Variants in MNS1 observed in about 807,000 individuals in gnomAD.
The protein encoded by MNS1 is meiosis-specific nuclear structural protein 1.
MNS1 carries 63 observed loss-of-function variants against 72.0 expected under a neutral mutation model. The observed-to-expected ratio is 0.87, with a 90% confidence interval of 0.71 to 1.08. The LOEUF (loss-of-function observed/expected upper bound fraction) is 1.08, where lower values mean the gene tolerates loss of function less well. MNS1 is among the 50% of genes least tolerant of loss of function. The pLI is 0.00. For synonymous variants in MNS1, 188 were observed against 172.1 expected (o/e 1.09, Z -0.72); for missense variants, 604 against 562.4 (o/e 1.07, Z -0.75).
intron 3 of MNS1, among the ~76,000 whole-genome samples, chr15:56,447,962 G>A (rs12050881): frequency 0.093 from 14,136 of 152,114 alleles, 1,331 homozygotes; most frequent in East Asian, 0.36. Flanking sequence ...TCCATTTATT[G>A]CATATAGTAA....
chr15:56,434,083 T>G, intron 8 of MNS1, 55 bp downstream of exon 8: 3 of 1,538,830 alleles, frequency 1.9e-6, no homozygotes, highest in African/African-American at 1.4e-5. Flanking sequence ...GGATGATAGA[T>G]GAGCTATTGC....
intron 3 of MNS1, among the ~76,000 whole-genome samples, chr15:56,449,481 TA>T (rs1267821919): frequency 6.6e-6 from 1 of 152,200 alleles, no homozygotes; most frequent in Non-Finnish European, 1.5e-5. Flanking sequence ...ATCTTTCTTA[TA>T]CAGCACTGGA....
intron 3 of MNS1, 70 bp downstream of exon 3, chr15:56,456,324 A>T: frequency 1.4e-6 from 2 of 1,394,562 alleles, no homozygotes; most frequent in Non-Finnish European, 1.9e-6. Flanking sequence ...TTTCACTTTC[A>T]GGTGCTAAGG....
intron 8 of MNS1, 127 bp downstream of exon 8, chr15:56,434,007 TTATA>T (rs137878743): frequency 0.094 from 92,209 of 984,854 alleles, 5,038 homozygotes; most frequent in Non-Finnish European, 0.11. Flanking sequence ...GTCAGAAAAT[TTATA>T]TATATATTAG....
chr15:56,462,482 G>A (rs541808393), intron 2 of MNS1, among the ~76,000 whole-genome samples: 106 of 152,248 alleles, frequency 7.0e-4, no homozygotes, highest in Non-Finnish European at 1.1e-3. Context: ...TGTCTTTATG[G>A]CTAGGTTCTA....
At chr15:56,462,311 C>G (rs140663344) in intron 2 of MNS1, among the ~76,000 whole-genome samples, 1 of 152,162 alleles carries the variant, frequency 6.6e-6, no homozygotes, top group African/African-American at 2.4e-5. Flanking sequence ...GGAACCTTTA[C>G]AGTGGAGAAA....
At chr15:56,434,781 A>AT (rs2050691630) in intron 7 of MNS1, among the ~76,000 whole-genome samples, 1 of 152,054 alleles carries the variant, frequency 6.6e-6, no homozygotes, top group African/African-American at 2.4e-5. Context: ...CAAACCACCC[A>AT]TAAGTATTTT....
chr15:56,431,420 T>G lies in MNS1; in HGVS notation c.1348A>C (p.Lys450Gln), dbSNP rs528031232. Residue 450 changes from lysine (K) to glutamine (Q), a missense_variant, in exon 9 of 10, where the codon AAA (lysine) becomes CAA (glutamine). Transcript: ENST00000260453. ...INAIIEEERL[K>Q]LLKEHATNLL... Reference sequence around the variant, plus strand: ...TTTGTAGCATGCTCTTTAAGAAGTTTTAGCCTTTCTTCTTCAATAATTGCA... The same window carrying G: ...TTTGTAGCATGCTCTTTAAGAAGTTGTAGCCTTTCTTCTTCAATAATTGCA... 31 of 1,613,656 alleles carry G rather than the reference T, an allele frequency of 1.9e-5. No individual in the cohort carries two copies. In the South Asian group the frequency reaches 3.3e-4, roughly 17 times the overall value.
At chr15:56,432,234 C>G (rs1284218511) in intron 8 of MNS1, among the ~76,000 whole-genome samples, 4 of 152,106 alleles carry the variant, frequency 2.6e-5, no homozygotes, top group African/African-American at 9.7e-5. Flanking sequence ...ATCTGGCAGG[C>G]CACATTCAAT....
rs2050680538 is a variant in MNS1 at position 56,434,302 on chromosome 15, T to C, written c.1105A>G (p.Lys369Glu). 1 of 1,613,824 alleles carries C rather than the reference T, an allele frequency of 6.2e-7. No individual in the cohort carries two copies. Among genetic ancestry groups the C allele is most frequent in the South Asian group, 1.1e-5 (1 of 91,078 alleles). Reference protein sequence around the residue: ...ALKELVLQAAKEEEENFRKTM... With the variant: ...ALKELVLQAAEEEEENFRKTM... ...TTTCTAAAGTTCTCCTCTTCCTCTTTTGCAGCCTGTAGCACTAATTCCTTC... is the reference window on the plus strand; with the variant it reads ...TTTCTAAAGTTCTCCTCTTCCTCTTCTGCAGCCTGTAGCACTAATTCCTTC... The change falls in exon 8 of 10, where the codon AAA becomes GAA. Residue 369 changes from lysine to glutamate, a missense_variant. By Grantham distance (56) the Lys-to-Glu change is moderately conservative. Coordinates refer to ENST00000260453, the MANE Select transcript of MNS1 (RefSeq NM_018365.4).
At chr15:56,459,685 G>A (rs1327110550) in intron 2 of MNS1, among the ~76,000 whole-genome samples, 1 of 151,900 alleles carries the variant, frequency 6.6e-6, no homozygotes, top group East Asian at 1.9e-4. Context: ...ACAAAGATTG[G>A]AGAAGAAACA....
chr15:56,464,198 A>G lies in MNS1; in HGVS notation c.53T>C (p.Val18Ala), dbSNP rs760135227. The G allele has an allele frequency of 1.2e-6, 2 of 1,613,884 alleles. No individual in the cohort carries two copies. Among genetic ancestry groups the G allele is most frequent in the South Asian group, 1.1e-5 (1 of 91,022 alleles). Residue 18 changes from valine to alanine, a missense_variant, in exon 2 of 10, where the codon GTA (valine) becomes GCA (alanine). Transcript: ENST00000260453. ...LSCSERHQKL[V>A]DENYCKKLHV... ...TAATTTTTTGCAGTAGTTTTCATCT[A>G]CTAATTTCTGATGCCTTTCACTACA... is the stretch of plus-strand genomic sequence containing the variant.
chr15:56,461,452 G>C (rs1193665335), intron 2 of MNS1, among the ~76,000 whole-genome samples: 1 of 152,102 alleles, frequency 6.6e-6, no homozygotes, highest in African/African-American at 2.4e-5. Flanking sequence ...CTTGAAGTCA[G>C]GAGTTCAAGA....
chr15:56,446,158 A>C (rs1193701610), intron 4 of MNS1, among the ~76,000 whole-genome samples: 2 of 151,944 alleles, frequency 1.3e-5, no homozygotes, highest in East Asian at 3.9e-4. Context: ...GTGTGTGTAC[A>C]TATGTTTATG....
intron 1 of MNS1, among the ~76,000 whole-genome samples, chr15:56,464,747 G>C (rs993071245): frequency 6.6e-6 from 1 of 152,136 alleles, no homozygotes; most frequent in East Asian, 1.9e-4. Context: ...CTATTGGGCA[G>C]ATTTAAAGAT....
At chr15:56,447,165 C>A (rs2050911825) in intron 3 of MNS1, 2 of 393,538 alleles carry the variant, frequency 5.1e-6, no homozygotes, top group African/African-American at 2.0e-5. Flanking sequence ...CTATTACATT[C>A]ATCTGTTTGC....
chr15:56,461,763 T>C (rs1316839698), intron 2 of MNS1, among the ~76,000 whole-genome samples: 3 of 150,754 alleles, frequency 2.0e-5, no homozygotes, highest in African/African-American at 7.3e-5. Flanking sequence ...TAAATGCAAT[T>C]AAGTACATAA....
intron 7 of MNS1, among the ~76,000 whole-genome samples, chr15:56,443,208 A>G (rs955363524): frequency 6.6e-6 from 1 of 152,202 alleles, no homozygotes; most frequent in East Asian, 1.9e-4. Flanking sequence ...GTGATTACAG[A>G]CAACATAGTT....
chr15:56,446,866 T>C lies in MNS1; in HGVS notation c.431A>G (p.Lys144Arg), dbSNP rs1213219002. The change falls in exon 4 of 10, where the codon AAG (lysine) becomes AGG (arginine). Residue 144 changes from lysine to arginine, a missense_variant. Coordinates refer to ENST00000260453, the MANE Select transcript of MNS1 (RefSeq NM_018365.4). ...NKERAAQIAE[K>R]DAIKYEQMKR... ...CATTTGTTCATATTTAATGGCATCCTTTTCAGCAATCTGAGCTGCCCTTTC... is the reference window on the plus strand; with the variant it reads ...CATTTGTTCATATTTAATGGCATCCCTTTCAGCAATCTGAGCTGCCCTTTC... The C allele has an allele frequency of 1.2e-6, 2 of 1,609,372 alleles. No homozygotes were observed. Among genetic ancestry groups the C allele is most frequent in the Non-Finnish European group, 1.7e-6 (2 of 1,177,968 alleles).
Sources: gnomAD v4.1 joint callset for allele counts (sites outside exome capture counted in the v4.1 genomes callset) on GRCh38, gnomAD v4.1.1 for gene constraint, MANE v1.5 for transcripts, NCBI Gene and HGNC (gene_info 2026-07-23, HGNC 2026-07-21) for gene names.